DNAH3: variants seen among roughly 807,000 people sequenced by gnomAD.
DNAH3 encodes the protein dynein axonemal heavy chain 3.
In DNAH3, 332 loss-of-function variants were observed where a neutral mutation model predicts 432.5. The observed-to-expected ratio is 0.77, with a 90% confidence interval of 0.70 to 0.84. The LOEUF (loss-of-function observed/expected upper bound fraction) is 0.84, where lower values mean the gene tolerates loss of function less well. Among genes scored for constraint, DNAH3 ranks in the 40% least tolerant of loss-of-function variants. The probability of loss-of-function intolerance (pLI) is 0.00; values close to 1 mark genes in which losing one functional copy is unlikely to be tolerated. For missense variants in DNAH3, 4,861 were observed against 5,114.0 expected (o/e 0.95, Z 1.51); for synonymous variants, 1,956 against 1,900.2 (o/e 1.03, Z -0.76).
chr16:20,941,692 C>T (rs2083816060), intron 58 of DNAH3, 149 bp from the exon 59 acceptor site: 1 of 990,172 alleles, frequency 1.0e-6, no homozygotes, highest in Non-Finnish European at 1.5e-6. Context: ...TTTCTGCCTC[C>T]AGTGGGGAAA....
intron 44 of DNAH3, 158 bp downstream of exon 44, chr16:20,997,125 T>A: frequency 1.6e-6 from 1 of 635,588 alleles, no homozygotes; most frequent in South Asian, 2.3e-5. Context: ...TCACACAATT[T>A]CCAACATGAA....
At chr16:21,144,678 A>G (rs2092759466) in intron 3 of DNAH3, among the ~76,000 whole-genome samples, 1 of 152,190 alleles carries the variant, frequency 6.6e-6, no homozygotes, top group Non-Finnish European at 1.5e-5. Flanking sequence ...AAGTACATAG[A>G]ACAGTGCCTG....
intron 35 of DNAH3, among the ~76,000 whole-genome samples, chr16:21,034,909 T>C (rs893198609): frequency 6.6e-6 from 1 of 152,058 alleles, no homozygotes; most frequent in African/African-American, 2.4e-5. Flanking sequence ...TTAAGTAGGG[T>C]TGACATTCAG....
At chr16:21,058,691 C>T (rs1312460845) in intron 26 of DNAH3, among the ~76,000 whole-genome samples, 1 of 152,064 alleles carries the variant, frequency 6.6e-6, no homozygotes, top group African/African-American at 2.4e-5. Context: ...TTTGCAGGGA[C>T]GTGGATGAAG....
chr16:21,106,566 A>C (rs2152800753), exon 15 of DNAH3: 1 of 1,612,452 alleles, frequency 6.2e-7, no homozygotes, highest in Non-Finnish European at 8.5e-7. Flanking sequence ...GTTTGAACAC[A>C]GTGACAGCAC....
intron 41 of DNAH3, among the ~76,000 whole-genome samples, chr16:21,008,365 T>C (rs1383416252): frequency 6.6e-6 from 1 of 152,142 alleles, no homozygotes; most frequent in Non-Finnish European, 1.5e-5. Context: ...TTCTTTCCTA[T>C]AGCCTTAATC....
intron 52 of DNAH3, among the ~76,000 whole-genome samples, chr16:20,966,041 T>TGAGA: frequency 9.4e-6 from 1 of 105,876 alleles, no homozygotes; most frequent in African/African-American, 3.7e-5. Context: ...TTTTTTTTTT[T>TGAGA]TTTTTTTTTT....
At chr16:21,098,525 A>G in intron 17 of DNAH3, 91 bp downstream of exon 17, 3 of 1,321,024 alleles carry the variant, frequency 2.3e-6, no homozygotes, top group Non-Finnish European at 3.1e-6. Flanking sequence ...TCCACCTAGT[A>G]GATGCTATTA....
Position 20,955,070 on chromosome 16 carries a change from T to C in DNAH3, c.10827-13A>G, listed in dbSNP as rs200077936. 7 of 1,592,546 alleles carry C rather than the reference T, an allele frequency of 4.4e-6. No homozygotes were observed. The highest frequency in any genetic ancestry group is 1.4e-5 in the African/African-American group (1 of 73,880). The stretch of plus-strand genomic sequence containing the variant: ...GGTTAGCCAGAGTCTGGAAGAACAA[T>C]GGACCCAACGTTTTAGAGCAATACA... On this transcript the variant is annotated splice_polypyrimidine_tract_variant and intron_variant, in intron 54 of 61. Coordinates refer to ENST00000261383, the Ensembl canonical transcript of DNAH3.
exon 46 of DNAH3, chr16:20,987,720 G>A (rs1597065464): frequency 6.2e-7 from 1 of 1,614,118 alleles, no homozygotes; most frequent in Non-Finnish European, 8.5e-7. Context: ...GGCACAGCAG[G>A]ACCCCTTGAA....
chr16:21,020,203 A>T (rs1449024306), intron 40 of DNAH3, among the ~76,000 whole-genome samples: 1 of 149,522 alleles, frequency 6.7e-6, no homozygotes, highest in Non-Finnish European at 1.5e-5. Flanking sequence ...GTATTTTTTT[A>T]TAGAGATGGG....
rs373148408 is a variant in DNAH3, at chr16:21,035,935, G to A, written c.5085+779C>T. Among the ~76,000 whole-genome samples, 215 of 152,266 alleles carry A rather than the reference G, an allele frequency of 1.4e-3. 8 individuals carry two copies. The South Asian group carries it at 0.044, about 31-fold the overall frequency. ...TGGTGCTGCTGATGATGACGGAGATGGTGGAGTTGATAATGATATAGTATC... is the reference window on the plus strand; with the variant it reads ...TGGTGCTGCTGATGATGACGGAGATAGTGGAGTTGATAATGATATAGTATC... On this transcript the variant is annotated intron_variant, in intron 35 of 61. Transcript: ENST00000261383.
chr16:21,146,185 T>C (rs1169136148), intron 1 of DNAH3, 97 bp from the exon 3 acceptor site: 1 of 739,718 alleles, frequency 1.4e-6, no homozygotes, highest in Non-Finnish European at 2.4e-6. Context: ...GGAAAAGTTT[T>C]AGGTCCAGAG....
At chr16:21,092,348 C>G (rs995096985) in intron 18 of DNAH3, among the ~76,000 whole-genome samples, 4 of 151,666 alleles carry the variant, frequency 2.6e-5, no homozygotes, top group African/African-American at 7.3e-5. Flanking sequence ...GATAAAAGAG[C>G]AAAGGCAATA....
At chr16:21,140,810 T>A (rs2092708872) in intron 4 of DNAH3, 100 bp from the exon 6 acceptor site, 2 of 1,057,038 alleles carry the variant, frequency 1.9e-6, no homozygotes, top group Admixed American at 2.4e-5. Flanking sequence ...GTTCTGCAAA[T>A]AGAAGCCTCT....
chr16:21,108,448 A>G (rs2091996258), intron 14 of DNAH3, among the ~76,000 whole-genome samples: 1 of 152,230 alleles, frequency 6.6e-6, no homozygotes, highest in Non-Finnish European at 1.5e-5. Flanking sequence ...CTTTCCAAAG[A>G]AAGTCTCCAA....
intron 48 of DNAH3, 88 bp from the exon 49 acceptor site, chr16:20,982,974 G>A (rs2085983466): frequency 6.8e-7 from 1 of 1,461,776 alleles, no homozygotes; most frequent in Admixed American, 1.7e-5. Context: ...ATTCTGGTGG[G>A]GTAAGTGGGG....
chr16:21,057,286 C>T (rs2090168285), intron 27 of DNAH3, among the ~76,000 whole-genome samples: 1 of 152,098 alleles, frequency 6.6e-6, no homozygotes, highest in South Asian at 2.1e-4. Context: ...ACAAACAAAT[C>T]CCCAAATATT....
chr16:20,952,589 G>T, intron 55 of DNAH3, 40 bp from the exon 56 acceptor site: 1 of 1,308,980 alleles, frequency 7.6e-7, no homozygotes, highest in Non-Finnish European at 1.1e-6. Flanking sequence ...AGTGCTGAGA[G>T]CTCTTAATTT....
Sources: gnomAD v4.1 joint callset for allele counts (sites outside exome capture counted in the v4.1 genomes callset) on GRCh38, gnomAD v4.1.1 for gene constraint, MANE v1.5 for transcripts, NCBI Gene and HGNC (gene_info 2026-07-23, HGNC 2026-07-21) for gene names.